The following ARHGAP20 variants were observed in gnomAD, a reference collection of about 807,000 sequenced individuals.
ARHGAP20 encodes the protein rho GTPase-activating protein 20.
In ARHGAP20, 34 loss-of-function variants were observed where a neutral mutation model predicts 73.7. The ratio of observed to expected loss-of-function variants is 0.46; its 90% CI spans 0.35 to 0.61. ARHGAP20 has a LOEUF of 0.61. Ranked by LOEUF, ARHGAP20 falls within the 20% of genes least tolerant of loss-of-function variation. ARHGAP20 has a pLI of 0.00. For missense variants in ARHGAP20, 1,314 were observed against 1,420.9 expected (o/e 0.92, Z 1.21); for synonymous variants, 523 against 518.2 (o/e 1.01, Z -0.13).
Position 110,614,602 on chromosome 11 carries a change from G to C in ARHGAP20, c.589C>G (p.Pro197Ala). ...ATGTCCTTGGCGAAGATTTTGAGGG[G>C]AATGCTCTTCGGGTAGTCCTTTTCT... is the stretch of plus-strand genomic sequence containing the variant. ...EKEKDYPKSIPLKIFAKDIGN... is the reference protein window; with the variant it reads ...EKEKDYPKSIALKIFAKDIGN... The change falls in exon 6 of 15, where the codon CCC becomes GCC. Residue 197 changes from proline to alanine, a missense_variant. Pro to Ala is a conservative substitution (Grantham distance 27). Transcript: ENST00000683387. The C allele has an allele frequency of 6.2e-7, 1 of 1,613,006 alleles. No individual in the cohort carries two copies. The highest frequency in any genetic ancestry group is 8.5e-7 in the Non-Finnish European group (1 of 1,179,592).
intron 4 of ARHGAP20, among the ~76,000 whole-genome samples, chr11:110,622,372 G>A (rs924223965): frequency 2.0e-5 from 3 of 152,090 alleles, no homozygotes; most frequent in Non-Finnish European, 2.9e-5. Context: ...TTAGATTTCC[G>A]TAAAAGTTAC....
At chr11:110,648,484 A>T (rs991790661) in intron 2 of ARHGAP20, among the ~76,000 whole-genome samples, 5 of 131,476 alleles carry the variant, frequency 3.8e-5, no homozygotes, top group African/African-American at 1.1e-4. Flanking sequence ...CATAACATGA[A>T]TTTTTTTTTT....
chr11:110,668,700 C>T (rs981413862), intron 2 of ARHGAP20, among the ~76,000 whole-genome samples: 1 of 151,972 alleles, frequency 6.6e-6, no homozygotes, highest in African/African-American at 2.4e-5. Context: ...ATGCCATTGG[C>T]ACACTTAATA....
chr11:110,644,730 G>C (rs1221814561), intron 2 of ARHGAP20, among the ~76,000 whole-genome samples: 1 of 152,090 alleles, frequency 6.6e-6, no homozygotes, highest in Non-Finnish European at 1.5e-5. Flanking sequence ...TATTGGCCTT[G>C]ACAAGAAATT....
intron 2 of ARHGAP20, among the ~76,000 whole-genome samples, chr11:110,683,573 G>A (rs765649994): frequency 6.6e-6 from 1 of 152,126 alleles, no homozygotes; most frequent in Admixed American, 6.6e-5. Flanking sequence ...TAATAAATGT[G>A]TGCTAGGACA....
intron 7 of ARHGAP20, among the ~76,000 whole-genome samples, chr11:110,610,040 T>C (rs1191641125): frequency 6.6e-6 from 1 of 152,090 alleles, no homozygotes; most frequent in Non-Finnish European, 1.5e-5. Flanking sequence ...TCTGAGGAGA[T>C]TAATAATTTT....
chr11:110,584,861 A>G (rs35370985), intron 12 of ARHGAP20, among the ~76,000 whole-genome samples: 1,517 of 150,924 alleles, frequency 0.01, 13 homozygotes, highest in Non-Finnish European at 0.018. Context: ...ATATATGTGA[A>G]TATATAAATG....
At chr11:110,696,052 G>C (rs1395923105) in intron 1 of ARHGAP20, among the ~76,000 whole-genome samples, 1 of 151,440 alleles carries the variant, frequency 6.6e-6, no homozygotes, top group Non-Finnish European at 1.5e-5. Context: ...TAAACTAATT[G>C]AAAGAAACCA....
At chr11:110,606,444 T>G in intron 9 of ARHGAP20, 117 bp downstream of exon 9, 1 of 1,158,366 alleles carries the variant, frequency 8.6e-7, no homozygotes, top group Non-Finnish European at 1.2e-6. Context: ...CATCTTTCCT[T>G]TTCAAAATAC....
intron 9 of ARHGAP20, among the ~76,000 whole-genome samples, chr11:110,606,257 A>C (rs1460464877): frequency 6.6e-6 from 1 of 152,204 alleles, no homozygotes; most frequent in Admixed American, 6.5e-5. Flanking sequence ...ATTACAGTAC[A>C]AAGAAGGCAT....
intron 2 of ARHGAP20, among the ~76,000 whole-genome samples, chr11:110,639,183 G>A (rs545279045): frequency 6.6e-6 from 1 of 151,604 alleles, no homozygotes; most frequent in East Asian, 1.9e-4. Flanking sequence ...TAGCTGCTTG[G>A]CTCAGTTTCT....
intron 1 of ARHGAP20, among the ~76,000 whole-genome samples, chr11:110,702,028 C>G (rs1371579026): frequency 3.3e-5 from 5 of 152,124 alleles, no homozygotes; most frequent in South Asian, 2.1e-4. Context: ...ATGCCTCCAG[C>G]TTTGTTCTTT....
rs577921776 is a variant in ARHGAP20, at chr11:110,613,107, A to C, written c.630+1454T>G. Among the ~76,000 whole-genome samples, 30 of 152,360 alleles carry C rather than the reference A, an allele frequency of 2.0e-4. No homozygotes were observed. The East Asian group carries it at 5.6e-3, about 28-fold the overall frequency. ...GTTTCTAAGATAATAGTTTTTCTTA[A>C]TACTAGGCACATATGTTCAAAACAT... On this transcript the variant is annotated intron_variant, in intron 6 of 14. Transcript: ENST00000683387.
chr11:110,580,218 C>G lies in ARHGAP20; in HGVS notation c.2728G>C (p.Gly910Arg). 1 of 1,614,166 alleles carries G rather than the reference C, an allele frequency of 6.2e-7. No homozygotes were observed. Reference protein sequence around the residue: ...NQSLVMGIEVGKSSATNQNTE... With the variant: ...NQSLVMGIEVRKSSATNQNTE... ...TTTTGGTTTGTGGCACTACTCTTGC[C>G]CACCTCAATCCCCATGACTAAACTC... Residue 910 changes from glycine (G) to arginine (R), a missense_variant, in exon 15 of 15, where the codon GGC becomes CGC. Gly to Arg is a moderately radical substitution (Grantham distance 125). Transcript: ENST00000683387.
chr11:110,648,228 T>TATATGTAAATATATATATGTAA (rs1565457562), intron 2 of ARHGAP20, among the ~76,000 whole-genome samples: 3 of 81,814 alleles, frequency 3.7e-5, no homozygotes, highest in Non-Finnish European at 7.1e-5. Context: ...TATGTATATA[T>TATATGTAAATATATATATGTAA]ATATATATGT....
Position 110,579,849 on chromosome 11 carries a change from G to A in ARHGAP20, c.3097C>T (p.His1033Tyr). The change falls in exon 15 of 15, where the codon CAT (histidine) becomes TAT (tyrosine). Residue 1033 changes from histidine to tyrosine, a missense_variant. Physicochemically the swap from His to Tyr is moderately conservative, Grantham distance 83 (BLOSUM62 2). This residue lies in a region of ARHGAP20 where 641 missense variants were observed against 636.9 expected (regional missense o/e 1.01). Coordinates refer to ENST00000683387, the MANE Select transcript of ARHGAP20 (RefSeq NM_001384657.1). Reference protein sequence around the residue: ...WHSQMHSVTLHPSTWLRNGVA... With the variant: ...WHSQMHSVTLYPSTWLRNGVA... Reference sequence around the variant, plus strand: ...CCATTTCTCAACCATGTGCTGGGATGAAGAGTTACAGAATGCATTTGTGAA... The same window carrying A: ...CCATTTCTCAACCATGTGCTGGGATAAAGAGTTACAGAATGCATTTGTGAA... 6.2e-7 allele frequency: 1 copy of A among 1,614,226 alleles called. No homozygotes were observed. Among genetic ancestry groups the A allele is most frequent in the Non-Finnish European group, 8.5e-7 (1 of 1,180,048 alleles).
At chr11:110,664,461 G>T (rs1289471109) in intron 2 of ARHGAP20, among the ~76,000 whole-genome samples, 2 of 152,170 alleles carry the variant, frequency 1.3e-5, no homozygotes, top group African/African-American at 4.8e-5. Flanking sequence ...AGGCGCAATG[G>T]CTCACGCCTC....
intron 11 of ARHGAP20, chr11:110,589,655 G>A: frequency 1.0e-6 from 1 of 985,410 alleles, no homozygotes; most frequent in Non-Finnish European, 1.2e-6. Context: ...CAAAAATGTA[G>A]AGCATTTCCA....
intron 12 of ARHGAP20, among the ~76,000 whole-genome samples, chr11:110,584,943 A>ATGAATATATGAATATATG: frequency 7.8e-6 from 1 of 128,222 alleles, no homozygotes; most frequent in East Asian, 2.5e-4. Flanking sequence ...ATATGTGTAT[A>ATGAATATATGAATATATG]TGAATATATG....
Sources: gnomAD v4.1 joint callset for allele counts (sites outside exome capture counted in the v4.1 genomes callset) on GRCh38, gnomAD v4.1.1 for gene constraint, gnomAD v4.1.1 regional missense constraint, MANE v1.5 for transcripts, NCBI Gene and HGNC (gene_info 2026-07-23, HGNC 2026-07-21) for gene names.